Variants in SLC4A10 observed in about 807,000 individuals in gnomAD.
SLC4A10 encodes solute carrier family 4 member 10, also known as sodium-driven chloride bicarbonate exchanger.
SLC4A10 carries 42 observed loss-of-function variants against 137.7 expected under a neutral mutation model. The ratio of observed to expected loss-of-function variants is 0.30; its 90% CI spans 0.24 to 0.39. The LOEUF is 0.39. SLC4A10 is among the 10% of genes least tolerant of loss of function. The pLI is 1.00. For missense variants in SLC4A10, 925 were observed against 1,355.0 expected (o/e 0.68, Z 4.98); for synonymous variants, 474 against 464.1 (o/e 1.02, Z -0.27).
chr2:161,798,444 C>G (rs1037400250), intron 2 of SLC4A10, among the ~76,000 whole-genome samples: 1 of 151,784 alleles, frequency 6.6e-6, no homozygotes, highest in African/African-American at 2.4e-5. Context: ...TTTCCAAATG[C>G]GTCTCCTTTC....
intron 4 of SLC4A10, among the ~76,000 whole-genome samples, chr2:161,840,579 A>C (rs1328289813): frequency 6.6e-6 from 1 of 152,248 alleles, no homozygotes. Context: ...TGGAGTGTCC[A>C]TTATGTGCCA....
In SLC4A10 at chr2:161,644,768, T is replaced by G. The variant is rs16845951; in HGVS notation, c.48+20202T>G. On this transcript the variant is annotated intron_variant, in intron 1 of 26. Transcript: ENST00000446997. The stretch of plus-strand genomic sequence containing the variant: ...CTTACCAATTGTTCTAGAGATATCT[T>G]GTAGGTGTTCATAAGCTTCTGTTTT... Among the ~76,000 whole-genome samples the G allele has an allele frequency of 6.7e-3, 1,026 of 152,318 alleles. 7 individuals are homozygous for G. The highest frequency in any genetic ancestry group is 0.023 in the African/African-American group (971 of 41,582).
chr2:161,668,220 A>G (rs1008391312), intron 1 of SLC4A10, among the ~76,000 whole-genome samples: 11 of 151,824 alleles, frequency 7.2e-5, no homozygotes, highest in African/African-American at 2.7e-4. Context: ...TGCAGTTAAG[A>G]TAAATGCAGC....
chr2:161,859,968 G>A (rs1291169432), intron 5 of SLC4A10, among the ~76,000 whole-genome samples: 2 of 152,146 alleles, frequency 1.3e-5, no homozygotes, highest in Non-Finnish European at 2.9e-5. Context: ...TGAGATTGCA[G>A]GACTTCACTC....
intron 2 of SLC4A10, among the ~76,000 whole-genome samples, chr2:161,784,946 T>A (rs1044311038): frequency 6.7e-6 from 1 of 150,128 alleles, no homozygotes; most frequent in Admixed American, 6.6e-5. Context: ...TAGGAAAAAA[T>A]CAATGAAATT....
chr2:161,696,527 T>A (rs1419897270), intron 1 of SLC4A10, among the ~76,000 whole-genome samples: 1 of 139,446 alleles, frequency 7.2e-6, no homozygotes, highest in Non-Finnish European at 1.5e-5. Flanking sequence ...CATTGTTCAA[T>A]TCCCACCTAT....
chr2:161,747,529 A>G (rs927653620), intron 1 of SLC4A10, among the ~76,000 whole-genome samples: 1 of 151,900 alleles, frequency 6.6e-6, no homozygotes, highest in African/African-American at 2.4e-5. Context: ...TACTCGCCTG[A>G]TTTTTGGTTC....
intron 10 of SLC4A10, among the ~76,000 whole-genome samples, chr2:161,884,614 T>C (rs565546861): frequency 1.3e-5 from 2 of 152,296 alleles, no homozygotes; most frequent in South Asian, 4.1e-4. Flanking sequence ...ATCAGTCATC[T>C]ATTTTTTCAA....
rs1279141541 is a variant in SLC4A10, at chr2:161,949,140, A to G, written c.2266-8A>G. 1 of 1,589,598 alleles carries G rather than the reference A, an allele frequency of 6.3e-7. No individual in the cohort carries two copies. The highest frequency in any genetic ancestry group is 1.4e-5 in the African/African-American group (1 of 73,910). On this transcript the variant is annotated splice_polypyrimidine_tract_variant and splice_region_variant and intron_variant, in intron 17 of 26. Transcript: ENST00000446997. ...ACTTTAAGTGACAAGTGTTTTCATT[A>G]TTTTTAGGTTCGATCCATAGTGAGT...
At chr2:161,710,426 T>C (rs12476631) in intron 1 of SLC4A10, among the ~76,000 whole-genome samples, 12,308 of 151,828 alleles carry the variant, frequency 0.081, 553 homozygotes, top group East Asian at 0.14. Context: ...AGTTACTTTC[T>C]GTTAGTGGCA....
intron 10 of SLC4A10, among the ~76,000 whole-genome samples, chr2:161,891,135 T>C (rs1483509945): frequency 6.6e-6 from 1 of 152,208 alleles, no homozygotes; most frequent in Non-Finnish European, 1.5e-5. Context: ...CACTCTCTTC[T>C]GGCATGTTGG....
chr2:161,736,168 A>C (rs72877321), intron 1 of SLC4A10, among the ~76,000 whole-genome samples: 675 of 151,916 alleles, frequency 4.4e-3, no homozygotes, highest in Non-Finnish European at 7.0e-3. Flanking sequence ...TCTTTTATTT[A>C]TCTGTTTTAT....
chr2:161,942,064 A>G (rs555038559), intron 15 of SLC4A10, among the ~76,000 whole-genome samples: 1 of 152,286 alleles, frequency 6.6e-6, no homozygotes, highest in East Asian at 1.9e-4. Flanking sequence ...AGGCAGACCA[A>G]GTAGAAACTA....
At chr2:161,771,164 T>A (rs1452622532) in intron 2 of SLC4A10, 110 bp downstream of exon 2, 2 of 766,988 alleles carry the variant, frequency 2.6e-6, no homozygotes, top group Non-Finnish European at 4.4e-6. Context: ...ATCAGAGTAA[T>A]GGTAGCTTAC....
At chr2:161,968,486 A>T (rs533023521) in intron 23 of SLC4A10, among the ~76,000 whole-genome samples, 2 of 152,332 alleles carry the variant, frequency 1.3e-5, no homozygotes, top group Admixed American at 1.3e-4. Flanking sequence ...ACAAAAATGG[A>T]TTAAAGATTT....
chr2:161,820,085 T>C (rs778716819), intron 3 of SLC4A10, among the ~76,000 whole-genome samples: 18 of 145,696 alleles, frequency 1.2e-4, no homozygotes, highest in Non-Finnish European at 2.2e-4. Context: ...ATTAAACACA[T>C]GTTTAAAATA....
chr2:161,797,750 A>G (rs2125569273), intron 2 of SLC4A10, among the ~76,000 whole-genome samples: 1 of 152,192 alleles, frequency 6.6e-6, no homozygotes, highest in South Asian at 2.1e-4. Context: ...CACAAAGTTA[A>G]TTTAGTTGCT....
At chr2:161,676,474 G>A (rs1205549685) in intron 1 of SLC4A10, among the ~76,000 whole-genome samples, 1 of 152,030 alleles carries the variant, frequency 6.6e-6, no homozygotes, top group African/African-American at 2.4e-5. Context: ...GGCAAATTTA[G>A]GTGGTGTGGT....
chr2:161,850,609 A>C (rs1166430490), intron 4 of SLC4A10, among the ~76,000 whole-genome samples: 1 of 152,002 alleles, frequency 6.6e-6, no homozygotes, highest in Non-Finnish European at 1.5e-5. Context: ...CCTTTTAAAA[A>C]ATTAGTATAG....
Sources: allele counts gnomAD v4.1 joint callset (sites outside exome capture counted in the v4.1 genomes callset), GRCh38; gene constraint gnomAD v4.1.1; transcripts MANE v1.5; gene names NCBI Gene and HGNC (gene_info 2026-07-23, HGNC 2026-07-21).